The following PDE5A variants were observed in gnomAD, a reference collection of about 807,000 sequenced individuals.
PDE5A encodes the protein phosphodiesterase 5A.
A neutral mutation model predicts 110.2 loss-of-function variants in PDE5A; 67 were observed. The ratio of observed to expected loss-of-function variants is 0.61; its 90% CI spans 0.50 to 0.75. PDE5A has a LOEUF of 0.75. PDE5A is among the 30% of genes least tolerant of loss of function. The probability of loss-of-function intolerance (pLI) is 0.00; values close to 1 mark genes in which losing one functional copy is unlikely to be tolerated. For missense variants in PDE5A, 862 were observed against 1,045.1 expected, an observed-to-expected ratio of 0.82 and a Z score of 2.42; for synonymous variants, 328 against 351.2, an observed-to-expected ratio of 0.93 and a Z score of 0.74.
At chr4:119,502,698 T>G (rs747625506) in intron 18 of PDE5A, 43 bp from the exon 19 acceptor site, 2 of 1,284,448 alleles carry the variant, frequency 1.6e-6, no homozygotes, top group Non-Finnish European at 2.3e-6. Flanking sequence ...GAAAAGCATA[T>G]CATTCTTTAA....
chr4:119,528,585 C>T (rs1726411825), intron 11 of PDE5A, among the ~76,000 whole-genome samples: 1 of 152,122 alleles, frequency 6.6e-6, no homozygotes, highest in South Asian at 2.1e-4. Flanking sequence ...ATTGGGGGTG[C>T]TAGTCCAGAT....
In PDE5A at chr4:119,628,795, G is replaced by C. The variant is rs1379053606; in HGVS notation, c.-124C>G. 1.4e-6 allele frequency: 2 copies of C among 1,435,848 alleles called. No individual in the cohort carries two copies. The highest frequency in any genetic ancestry group is 1.4e-5 in the African/African-American group (1 of 71,040). The allele number at this position is 1,435,848 out of a possible 1,614,324, so 88.9% of individuals were successfully genotyped here. A position where few individuals can be genotyped will look rare whatever the true frequency, so the allele number is the denominator to read the frequency against. ...CCCTTCGTCCTGCTCCAGTCGGGCC[G>C]GCTTTCGACAAAGCGGCCGGAGCGC... On this transcript the variant is annotated 5_prime_UTR_variant, in exon 1 of 21. Coordinates refer to ENST00000354960, the MANE Select transcript of PDE5A (RefSeq NM_001083.4).
At chr4:119,502,446 A>T (rs1725382638) in intron 19 of PDE5A, 135 bp downstream of exon 19, 1 of 559,518 alleles carries the variant, frequency 1.8e-6, no homozygotes, top group Non-Finnish European at 3.1e-6. Context: ...TAATTCTTCC[A>T]ATGAGAAAAA....
intron 2 of PDE5A, among the ~76,000 whole-genome samples, chr4:119,605,640 C>G (rs539229042): frequency 4.0e-4 from 61 of 151,856 alleles, no homozygotes; most frequent in Non-Finnish European, 7.9e-4. Context: ...AAGTGAGACT[C>G]CATCTCAAAA....
chr4:119,504,829 G>A (rs1725501881), intron 17 of PDE5A, among the ~76,000 whole-genome samples: 1 of 152,022 alleles, frequency 6.6e-6, no homozygotes, highest in African/African-American at 2.4e-5. Context: ...TCCTCAAACT[G>A]CCTCATTTAG....
At position 119,498,329 on chromosome 4, in the gene PDE5A, A is replaced by G. The variant is rs534535892; in HGVS notation, c.*272T>C. 2.9e-6 allele frequency: 1 copy of G among 344,476 alleles called. No homozygotes were observed. The highest frequency in any genetic ancestry group is 4.6e-5 in the East Asian group (1 of 21,788). The allele number at this position is 344,476 out of a possible 1,614,324, so 21.3% of individuals were successfully genotyped here. A position where few individuals can be genotyped will look rare whatever the true frequency, so the allele number is the denominator to read the frequency against. ...GAATACTGCATACACTTTGCAGTACACGAAATATCACAAACAATGCTTTTA... is the reference window on the plus strand; with the variant it reads ...GAATACTGCATACACTTTGCAGTACGCGAAATATCACAAACAATGCTTTTA... On this transcript the variant is annotated 3_prime_UTR_variant, in exon 21 of 21. Transcript: ENST00000354960.
intron 13 of PDE5A, 82 bp from the exon 14 acceptor site, chr4:119,519,221 T>C: frequency 1.0e-6 from 1 of 985,098 alleles, no homozygotes; most frequent in Non-Finnish European, 1.6e-6. Context: ...TTCAGTAATC[T>C]TTTTTTTCCC....
At chr4:119,604,495 C>T (rs1349500330) in intron 2 of PDE5A, among the ~76,000 whole-genome samples, 1 of 152,152 alleles carries the variant, frequency 6.6e-6, no homozygotes, top group African/African-American at 2.4e-5. Flanking sequence ...GGCAGCAATC[C>T]TTCAGCTGTG....
At chr4:119,542,824 T>A (rs75827913) in intron 9 of PDE5A, among the ~76,000 whole-genome samples, 190 bp from the exon 10 acceptor site, 1 of 152,134 alleles carries the variant, frequency 6.6e-6, no homozygotes, top group Admixed American at 6.6e-5. Context: ...ACTAGTTTCA[T>A]GTAGTTCAAA....
At chr4:119,530,798 C>CTA (rs1385350732) in intron 11 of PDE5A, among the ~76,000 whole-genome samples, 3 of 152,064 alleles carry the variant, frequency 2.0e-5, no homozygotes, top group Non-Finnish European at 2.9e-5. Context: ...TGGCATAGAG[C>CTA]TATAGTACAG....
At position 119,553,702 on chromosome 4, in the gene PDE5A, A is replaced by G. The variant is rs141518216; in HGVS notation, c.1244T>C (p.Val415Ala). 6.3e-6 allele frequency: 10 copies of G among 1,599,976 alleles called. No individual in the cohort carries two copies. The African/African-American group carries it at 1.1e-4, about 17-fold the overall frequency. Residue 415 changes from valine to alanine, a missense_variant, in exon 8 of 21, where the codon GTC becomes GCC. Transcript: ENST00000354960. Reference protein sequence around the residue: ...NKINYMYAQYVKNTMEPLNIP... With the variant: ...NKINYMYAQYAKNTMEPLNIP... ...ATTAAGTGGTTCCATAGTATTTTTG[A>G]CATACTGAGCATACATGTAATTGAT...
At chr4:119,595,423 G>A (rs1274098074) in intron 3 of PDE5A, among the ~76,000 whole-genome samples, 2 of 152,106 alleles carry the variant, frequency 1.3e-5, no homozygotes, top group African/African-American at 4.8e-5. Context: ...AAACATTTCC[G>A]CGTGTGTCTG....
intron 1 of PDE5A, among the ~76,000 whole-genome samples, chr4:119,619,421 A>C (rs1730066467): frequency 6.6e-6 from 1 of 152,166 alleles, no homozygotes; most frequent in Non-Finnish European, 1.5e-5. Flanking sequence ...CTCCCGTCTT[A>C]AAGTTTGAGG....
intron 3 of PDE5A, among the ~76,000 whole-genome samples, chr4:119,582,948 A>G (rs1728635768): frequency 1.3e-5 from 2 of 152,182 alleles, no homozygotes; most frequent in Non-Finnish European, 1.5e-5. Context: ...ATAATTCTTA[A>G]GGGCCCTAGG....
At chr4:119,547,225 C>T (rs1348214187) in intron 9 of PDE5A, among the ~76,000 whole-genome samples, 1 of 151,180 alleles carries the variant, frequency 6.6e-6, no homozygotes, top group Non-Finnish European at 1.5e-5. Context: ...CCCCATTTCA[C>T]CAAATGTTAA....
At chr4:119,570,178 C>G (rs1344596829) in intron 3 of PDE5A, among the ~76,000 whole-genome samples, 1 of 152,222 alleles carries the variant, frequency 6.6e-6, no homozygotes, top group African/African-American at 2.4e-5. Context: ...AACTGGCATC[C>G]TCTGCCCTCA....
intron 1 of PDE5A, among the ~76,000 whole-genome samples, chr4:119,621,530 G>T (rs982426449): frequency 6.6e-6 from 1 of 152,136 alleles, no homozygotes; most frequent in African/African-American, 2.4e-5. Context: ...AAGATACATG[G>T]ATAGATGAAT....
chr4:119,616,688 A>G (rs1729954621), intron 1 of PDE5A, among the ~76,000 whole-genome samples: 1 of 152,048 alleles, frequency 6.6e-6, no homozygotes, highest in Admixed American at 6.6e-5. Flanking sequence ...AAGTTGACAG[A>G]CATTTTGTGT....
At chr4:119,540,544 A>G (rs956903455) in intron 10 of PDE5A, among the ~76,000 whole-genome samples, 3 of 152,146 alleles carry the variant, frequency 2.0e-5, no homozygotes, top group African/African-American at 7.2e-5. Flanking sequence ...TAATATTAAC[A>G]AGTGCAGTGC....
Sources: allele counts gnomAD v4.1 joint callset (sites outside exome capture counted in the v4.1 genomes callset), GRCh38; gene constraint gnomAD v4.1.1; transcripts MANE v1.5; gene names NCBI Gene and HGNC (gene_info 2026-07-23, HGNC 2026-07-21).